Variants in ERO1B observed in about 807,000 individuals in gnomAD.
ERO1B encodes endoplasmic reticulum oxidoreductase 1 beta, also known as ERO1-like protein beta.
A neutral mutation model predicts 75.3 loss-of-function variants in ERO1B; 49 were observed. The ratio of observed to expected loss-of-function variants is 0.65; its 90% CI spans 0.52 to 0.83. The LOEUF is 0.83. Ranked by LOEUF, ERO1B falls within the 40% of genes least tolerant of loss-of-function variation. The probability of loss-of-function intolerance (pLI) is 0.00; values close to 1 mark genes in which losing one functional copy is unlikely to be tolerated. For missense variants in ERO1B, 512 were observed against 560.1 expected, an observed-to-expected ratio of 0.91 and a Z score of 0.87; for synonymous variants, 191 against 192.9, an observed-to-expected ratio of 0.99 and a Z score of 0.08.
At chr1:236,268,703 G>A (rs528753346) in intron 2 of ERO1B, among the ~76,000 whole-genome samples, 78 of 151,418 alleles carry the variant, frequency 5.2e-4, no homozygotes, top group Admixed American at 1.8e-3. Flanking sequence ...TGGCTAACAT[G>A]GTGAAACCCC....
At chr1:236,235,169 A>G (rs553084972) in intron 8 of ERO1B, among the ~76,000 whole-genome samples, 10 of 152,350 alleles carry the variant, frequency 6.6e-5, no homozygotes, top group African/African-American at 1.9e-4. Context: ...CAGTACAGAT[A>G]TAGAGCACTG....
chr1:236,271,127 C>T lies in ERO1B; in HGVS notation c.103-1133G>A, dbSNP rs1665578869. The stretch of plus-strand genomic sequence containing the variant: ...TGTACTACATGTTTACAGGATGTTA[C>T]CATTGGGATAAATAGATAAAGAGTA... On this transcript the variant is annotated intron_variant, in intron 1 of 15. Transcript: ENST00000354619. 2.6e-5 allele frequency among the ~76,000 whole-genome samples: 4 copies of T among 152,056 alleles called. No homozygotes were observed. In the South Asian group the frequency reaches 8.3e-4, roughly 32 times the overall value.
rs1022039844 is a variant in ERO1B at position 236,235,784 on chromosome 1, C to A, written c.673+5G>T. On this transcript the variant is annotated splice_donor_5th_base_variant and intron_variant, in intron 8 of 15. Coordinates refer to ENST00000354619, the MANE Select transcript of ERO1B (RefSeq NM_019891.4). ...AGCATGAAAATGTACATATGAAAAA[C>A]CTACCTCGGCTAGGCGCCAGAGGAT... The A allele has an allele frequency of 6.2e-7, 1 of 1,608,162 alleles. No individual in the cohort carries two copies. The highest frequency in any genetic ancestry group is 2.2e-5 in the East Asian group (1 of 44,768).
chr1:236,281,618 G>T, intron 1 of ERO1B, 64 bp downstream of exon 1: 2 of 1,089,046 alleles, frequency 1.8e-6, no homozygotes, highest in Non-Finnish European at 2.4e-6. Flanking sequence ...CACAGCCGCG[G>T]CCCGTGTGTA....
At chr1:236,257,997 C>CA (rs555355276) in intron 2 of ERO1B, among the ~76,000 whole-genome samples, 2 of 147,558 alleles carry the variant, frequency 1.4e-5, no homozygotes, top group African/African-American at 2.5e-5. Flanking sequence ...GAAAAAGGGA[C>CA]AAAAAAAATT....
chr1:236,232,972 C>T (rs972900054), intron 8 of ERO1B, 133 bp from the exon 9 acceptor site: 6 of 620,604 alleles, frequency 9.7e-6, no homozygotes, highest in Admixed American at 7.0e-5. Context: ...AGACGCCCTG[C>T]AAATGAGTCC....
chr1:236,257,560 C>CAA (rs57151086), intron 2 of ERO1B, among the ~76,000 whole-genome samples: 12 of 125,530 alleles, frequency 9.6e-5, no homozygotes, highest in South Asian at 2.7e-4. Context: ...AAATATGCTC[C>CAA]AAAAAAAAAA....
intron 6 of ERO1B, among the ~76,000 whole-genome samples, chr1:236,238,489 G>A (rs914050367): frequency 6.8e-6 from 1 of 147,384 alleles, no homozygotes; most frequent in Non-Finnish European, 1.5e-5. Flanking sequence ...AGTGAACTAT[G>A]ATGGCACCAC....
intron 2 of ERO1B, among the ~76,000 whole-genome samples, chr1:236,260,348 T>C (rs1408439409): frequency 6.6e-6 from 1 of 151,998 alleles, no homozygotes; most frequent in African/African-American, 2.4e-5. Context: ...ACTGATTCAA[T>C]AAAAAGTATC....
At chr1:236,219,558 T>C (rs1329955149) in intron 15 of ERO1B, among the ~76,000 whole-genome samples, 1 of 152,204 alleles carries the variant, frequency 6.6e-6, no homozygotes. Context: ...TTATTTAAAT[T>C]TCATTCAGTA....
rs573872095 is a variant in ERO1B at position 236,256,212 on chromosome 1, T to G, written c.223-2707A>C. On this transcript the variant is annotated intron_variant, in intron 2 of 15. Coordinates refer to ENST00000354619, the MANE Select transcript of ERO1B (RefSeq NM_019891.4). ...TTTCTTCCCTGACTTGCTCCTGAGATAAGTTTCTGCAACCTCTCATTAGAA... is the reference window on the plus strand; with the variant it reads ...TTTCTTCCCTGACTTGCTCCTGAGAGAAGTTTCTGCAACCTCTCATTAGAA... Among the ~76,000 whole-genome samples the G allele has an allele frequency of 6.6e-5, 10 of 152,194 alleles. No homozygotes were observed. The South Asian group carries it at 1.9e-3, about 28-fold the overall frequency.
At chr1:236,259,661 AG>A (rs1195046987) in intron 2 of ERO1B, among the ~76,000 whole-genome samples, 1 of 152,028 alleles carries the variant, frequency 6.6e-6, no homozygotes, top group African/African-American at 2.4e-5. Flanking sequence ...TAAAATGATA[AG>A]GGGGTCAATT....
At chr1:236,218,878 C>A (rs1664063948) in intron 15 of ERO1B, among the ~76,000 whole-genome samples, 1 of 152,088 alleles carries the variant, frequency 6.6e-6, no homozygotes. Flanking sequence ...TTTGCACATT[C>A]CTCTTCAAAT....
intron 7 of ERO1B, 152 bp from the exon 8 acceptor site, chr1:236,235,987 C>T: frequency 2.8e-6 from 2 of 717,020 alleles, no homozygotes; most frequent in Non-Finnish European, 4.6e-6. Flanking sequence ...TACAGTGGCG[C>T]AATCTCTGCT....
chr1:236,220,707 C>A, intron 15 of ERO1B, 125 bp downstream of exon 15: 2 of 980,494 alleles, frequency 2.0e-6, no homozygotes, highest in Non-Finnish European at 2.8e-6. Flanking sequence ...TAAGTTAGTA[C>A]AGATACAATA....
intron 15 of ERO1B, 51 bp downstream of exon 15, chr1:236,220,777 AGTTT>A: frequency 6.9e-7 from 1 of 1,453,048 alleles, no homozygotes; most frequent in Non-Finnish European, 9.1e-7. Flanking sequence ...TTATCTTTGC[AGTTT>A]GTTGAAACCC....
At chr1:236,243,382 A>G (rs764952140) in intron 6 of ERO1B, 40 bp downstream of exon 6, 2 of 1,318,662 alleles carry the variant, frequency 1.5e-6, no homozygotes, top group South Asian at 1.4e-5. Flanking sequence ...TAAAAGGGTT[A>G]AAGTTAAAAT....
intron 13 of ERO1B, 104 bp downstream of exon 13, chr1:236,224,966 A>T (rs1215563480): frequency 6.5e-6 from 7 of 1,084,866 alleles, no homozygotes; most frequent in African/African-American, 3.1e-5. Flanking sequence ...ACCAACTCTG[A>T]CAAGAAGCTG....
intron 12 of ERO1B, 148 bp downstream of exon 12, chr1:236,226,121 T>C: frequency 1.3e-6 from 1 of 769,658 alleles, no homozygotes; most frequent in Non-Finnish European, 2.0e-6. Context: ...GAAATATTTT[T>C]AAATTCTGTT....
Sources: gnomAD v4.1 joint callset for allele counts (sites outside exome capture counted in the v4.1 genomes callset) on GRCh38, gnomAD v4.1.1 for gene constraint, MANE v1.5 for transcripts, NCBI Gene and HGNC (gene_info 2026-07-23, HGNC 2026-07-21) for gene names.